The following AFAP1 variants were observed in gnomAD, a reference collection of about 807,000 sequenced individuals.
AFAP1 encodes actin filament associated protein 1.
A neutral mutation model predicts 93.9 loss-of-function variants in AFAP1; 75 were observed. The observed-to-expected ratio is 0.80, with a 90% CI of 0.66 to 0.97. The LOEUF is 0.97. Among genes scored for constraint, AFAP1 ranks in the 50% least tolerant of loss-of-function variants. The pLI is 0.00. For synonymous variants in AFAP1, 517 were observed against 430.7 expected, an observed-to-expected ratio of 1.20 and a Z score of -2.48; for missense variants, 1,201 against 1,050.8, an observed-to-expected ratio of 1.14 and a Z score of -1.98.
At chr4:7,835,875 A>C (rs4259063) in intron 6 of AFAP1, among the ~76,000 whole-genome samples, 16,637 of 127,112 alleles carry the variant, frequency 0.13, 1,708 homozygotes, top group East Asian at 0.55. Flanking sequence ...GAATGGACTG[A>C]GGGCTGCCTT....
At chr4:7,785,397 A>AG (rs1717167001) in intron 12 of AFAP1, among the ~76,000 whole-genome samples, 1 of 152,282 alleles carries the variant, frequency 6.6e-6, no homozygotes, top group East Asian at 1.9e-4. Context: ...GCGCTGTGCC[A>AG]GGAGCCAGGA....
At chr4:7,842,428 C>G (rs1222024364) in intron 5 of AFAP1, among the ~76,000 whole-genome samples, 1 of 151,198 alleles carries the variant, frequency 6.6e-6, no homozygotes, top group Non-Finnish European at 1.5e-5. Context: ...CAAGGTTAAT[C>G]TGAAGGAAGA....
intron 1 of AFAP1, among the ~76,000 whole-genome samples, chr4:7,875,820 A>G (rs1029189408): frequency 6.6e-6 from 1 of 152,350 alleles, no homozygotes; most frequent in Admixed American, 6.5e-5. Flanking sequence ...TTATGTTAAA[A>G]TAGACAAAAA....
rs1577268038 is a variant in AFAP1 at position 7,833,677 on chromosome 4, C to T, written c.726+4847G>A. On this transcript the variant is annotated intron_variant, in intron 6 of 17. Transcript: ENST00000420658. ...AATCTTGGCTCACTGCAACCTCCTC[C>T]TCTCAGGTTCAAGCAATTCTCCTGC... is the stretch of plus-strand genomic sequence containing the variant. Among the ~76,000 whole-genome samples, 3 of 151,020 alleles carry T rather than the reference C, an allele frequency of 2.0e-5. No homozygotes were observed. In the South Asian group the frequency reaches 6.3e-4, roughly 32 times the overall value.
At chr4:7,772,709 G>T in intron 16 of AFAP1, 111 bp downstream of exon 16, 1 of 1,001,584 alleles carries the variant, frequency 1.0e-6, no homozygotes, top group Non-Finnish European at 1.4e-6. Flanking sequence ...GCACACTAAG[G>T]GGCCACAAGC....
chr4:7,921,242 G>A (rs1048593010), intron 1 of AFAP1, among the ~76,000 whole-genome samples: 9 of 138,948 alleles, frequency 6.5e-5, no homozygotes, highest in African/African-American at 2.5e-4. Context: ...AGAGTGCAGT[G>A]GTGCACTCTT....
Position 7,939,433 on chromosome 4 carries a change from T to C in AFAP1, c.-3+223A>G. The C allele has an allele frequency of 3.4e-6, 1 of 294,472 alleles. No homozygotes were observed. The highest frequency in any genetic ancestry group is 6.6e-6 in the Non-Finnish European group (1 of 152,414). The allele number at this position is 294,472 out of a possible 1,614,324, so 18.2% of individuals were successfully genotyped here. A position where few individuals can be genotyped will look rare whatever the true frequency, so the allele number is the denominator to read the frequency against. On this transcript the variant is annotated intron_variant, in intron 1 of 17. Coordinates refer to ENST00000420658, the MANE Select transcript of AFAP1 (RefSeq NM_001134647.2). The surrounding 1 kb of genome is among the most constrained non-coding windows in gnomAD (Gnocchi z 5.6). ...TCCCCTCCGGGCAGACGCGGGGAGC[T>C]GGGGAGCAGTGGGGACCGGCCCCCA...
chr4:7,877,114 G>A (rs1717555632), intron 1 of AFAP1, among the ~76,000 whole-genome samples: 1 of 152,146 alleles, frequency 6.6e-6, no homozygotes, highest in Non-Finnish European at 1.5e-5. Flanking sequence ...GGGTTTTTGT[G>A]GGGTTTTTTT....
chr4:7,800,318 G>T, intron 10 of AFAP1, 124 bp downstream of exon 10: 1 of 968,458 alleles, frequency 1.0e-6, no homozygotes, highest in Non-Finnish European at 1.6e-6. Flanking sequence ...AAGAGGGTGG[G>T]CCCAAAAGAG....
chr4:7,765,642 G>A lies in AFAP1; in HGVS notation c.2419-1851C>T, dbSNP rs74783843. On this transcript the variant is annotated intron_variant, in intron 17 of 17. Transcript: ENST00000420658. ...TGGGATTGAGTTCCAGAAAGAGGAG[G>A]CAAAAGAGCAGACCCAGGTCAGAGC... 2.4e-3 allele frequency among the ~76,000 whole-genome samples: 364 copies of A among 152,338 alleles called. 1 individual carries two copies. The highest frequency in any genetic ancestry group is 8.3e-3 in the African/African-American group (347 of 41,584).
chr4:7,851,752 G>A (rs778486523), intron 4 of AFAP1, among the ~76,000 whole-genome samples: 3 of 152,142 alleles, frequency 2.0e-5, no homozygotes, highest in Non-Finnish European at 2.9e-5. Context: ...AACAGCAGAC[G>A]GCAACATCAA....
rs1374623955 is a variant in AFAP1, at chr4:7,800,422, GC to G, written c.1266+19del. On this transcript the variant is annotated intron_variant, in intron 10 of 17. Coordinates refer to ENST00000420658, the MANE Select transcript of AFAP1 (RefSeq NM_001134647.2). Reference sequence around the variant, plus strand: ...CGCGTGTGTCCCTCTGTGGAGTACAGCCCCTGGGAAATATCCTACCTCCAAT... The same window carrying G: ...CGCGTGTGTCCCTCTGTGGAGTACAGCCCTGGGAAATATCCTACCTCCAAT... 3 of 1,612,224 alleles carry G rather than the reference GC, an allele frequency of 1.9e-6. No individual in the cohort carries two copies. In the African/African-American group the frequency reaches 4.0e-5, roughly 22 times the overall value.
chr4:7,898,271 G>C (rs1718903060), intron 1 of AFAP1, among the ~76,000 whole-genome samples: 1 of 152,136 alleles, frequency 6.6e-6, no homozygotes, highest in East Asian at 1.9e-4. Flanking sequence ...AGCCGAGCAT[G>C]GTGGTAGGCA....
intron 6 of AFAP1, among the ~76,000 whole-genome samples, chr4:7,826,414 G>A (rs549487695): frequency 8.0e-4 from 122 of 152,342 alleles, no homozygotes; most frequent in African/African-American, 2.7e-3. Context: ...GGAGGCCCAG[G>A]CTTCCCAGAG....
rs1721567765 is a variant in AFAP1 at position 7,939,140 on chromosome 4, G to C, written c.-3+516C>G. ...GCGTGGGTCCACGCAACAACCTATAGGTGACAAAACACTCAGGAAGCCGTC... is the reference window on the plus strand; with the variant it reads ...GCGTGGGTCCACGCAACAACCTATACGTGACAAAACACTCAGGAAGCCGTC... On this transcript the variant is annotated intron_variant, in intron 1 of 17. Transcript: ENST00000420658. The surrounding 1 kb of genome is among the most constrained non-coding windows in gnomAD (Gnocchi z 5.6). 5.4e-6 allele frequency: 1 copy of C among 186,336 alleles called. No homozygotes were observed. The highest frequency in any genetic ancestry group is 2.4e-5 in the African/African-American group (1 of 41,504). 11.5% of individuals were successfully genotyped at this position (186,336 alleles called of 1,614,324 possible).
chr4:7,882,151 G>T (rs1397239530), intron 1 of AFAP1, among the ~76,000 whole-genome samples: 4 of 152,060 alleles, frequency 2.6e-5, no homozygotes. Context: ...CACAAGAAAA[G>T]TCATGACACA....
intron 11 of AFAP1, among the ~76,000 whole-genome samples, chr4:7,792,890 G>A (rs1011995482): frequency 2.6e-5 from 4 of 152,202 alleles, no homozygotes; most frequent in African/African-American, 9.7e-5. Flanking sequence ...TACATTGGCA[G>A]TGACAATGAT....
At chr4:7,862,133 G>C (rs1281546083) in intron 3 of AFAP1, 1 of 152,260 alleles carries the variant, frequency 6.6e-6, no homozygotes, top group Non-Finnish European at 1.5e-5. Flanking sequence ...AGGAGTTCAA[G>C]ACTAGCCTGG....
chr4:7,819,066 G>C lies in AFAP1; in HGVS notation c.822+10C>G. ...TCACCGTCCCCACCCAGCAAGAGCA[G>C]CGCCCTTACCTTCTCCAGTTCTGCC... On this transcript the variant is annotated intron_variant, in intron 7 of 17. Transcript: ENST00000420658. 1 of 1,596,674 alleles carries C rather than the reference G, an allele frequency of 6.3e-7. No homozygotes were observed. The highest frequency in any genetic ancestry group is 8.5e-7 in the Non-Finnish European group (1 of 1,172,518).
Sources: gnomAD v4.1 joint callset for allele counts (sites outside exome capture counted in the v4.1 genomes callset) on GRCh38, gnomAD v4.1.1 for gene constraint, Gnocchi (gnomAD v3.1) non-coding constraint, MANE v1.5 for transcripts, NCBI Gene and HGNC (gene_info 2026-07-23, HGNC 2026-07-21) for gene names.